SARDH: variants seen among roughly 807,000 people sequenced by gnomAD.
SARDH encodes the protein sarcosine dehydrogenase, mitochondrial.
A neutral mutation model predicts 109.1 loss-of-function variants in SARDH; 95 were observed. That is an observed-to-expected ratio of 0.87 (90% CI 0.74 to 1.03). SARDH has a LOEUF of 1.03. Ranked by LOEUF, SARDH falls within the 50% of genes least tolerant of loss-of-function variation. The pLI, the probability that SARDH is intolerant of heterozygous loss-of-function variation, is 0.00. For missense variants in SARDH, 1,267 were observed against 1,287.8 expected (o/e 0.98, Z 0.25); for synonymous variants, 572 against 534.8 (o/e 1.07, Z -0.96).
intron 7 of SARDH, 147 bp from the exon 8 acceptor site, chr9:133,717,602 G>A (rs751882289): frequency 8.9e-5 from 109 of 1,221,154 alleles, no homozygotes; most frequent in Non-Finnish European, 1.1e-4. Flanking sequence ...CGTCCCAGCC[G>A]TTTGTCTCCC....
intron 12 of SARDH, chr9:133,703,230 G>A (rs895456026): frequency 6.4e-5 from 37 of 579,742 alleles, no homozygotes; most frequent in South Asian, 8.3e-5. Flanking sequence ...AAAGGAGGCC[G>A]CAGGGTTGCC....
chr9:133,693,133 C>T lies in SARDH; in HGVS notation c.1921+1125G>A, dbSNP rs1343965334. Among the ~76,000 whole-genome samples, 1 of 151,468 alleles carries T rather than the reference C, an allele frequency of 6.6e-6. No homozygotes were observed. The highest frequency in any genetic ancestry group is 1.5e-5 in the Non-Finnish European group (1 of 67,844). ...TGACCCATCTAACATCCTACACCTT[C>T]CACTTATTTTATTTTTTTAATCCTA... On this transcript the variant is annotated intron_variant, in intron 15 of 20. Coordinates refer to ENST00000439388, the MANE Select transcript of SARDH (RefSeq NM_001134707.2). The surrounding 1 kb of genome is among the most constrained non-coding windows in gnomAD (Gnocchi z 5.6).
Position 133,666,985 on chromosome 9 carries a change from G to T in SARDH, c.2496-115C>A, listed in dbSNP as rs7854480. On this transcript the variant is annotated intron_variant, in intron 19 of 20. Coordinates refer to ENST00000439388, the MANE Select transcript of SARDH (RefSeq NM_001134707.2). This position sits in a 1 kb window ranked among gnomAD's most constrained non-coding sequence, Gnocchi z 5.2. ...TGATGCACACCCAACCGTGGCTCCAGGCAGATAGGGCTGGCCTACTAGGAC... is the reference window on the plus strand; with the variant it reads ...TGATGCACACCCAACCGTGGCTCCATGCAGATAGGGCTGGCCTACTAGGAC... 23 of 1,424,234 alleles carry T rather than the reference G, an allele frequency of 1.6e-5. No homozygotes were observed. The highest frequency in any genetic ancestry group is 2.5e-5 in the East Asian group (1 of 40,750). 88.2% of individuals were successfully genotyped at this position (1,424,234 alleles called of 1,614,324 possible). A position where few individuals can be genotyped will look rare whatever the true frequency, so the allele number is the denominator to read the frequency against.
intron 15 of SARDH, 76 bp from the exon 16 acceptor site, chr9:133,690,603 T>C: frequency 2.0e-6 from 3 of 1,514,788 alleles, no homozygotes; most frequent in South Asian, 1.2e-5. Context: ...GGCCCAAGGG[T>C]CTCCCGGCTG....
At chr9:133,676,635 A>C (rs1830520599) in intron 17 of SARDH, among the ~76,000 whole-genome samples, 1 of 152,166 alleles carries the variant, frequency 6.6e-6, no homozygotes, top group Non-Finnish European at 1.5e-5. Flanking sequence ...GGGGAATGTG[A>C]GGGAATGGCC....
At position 133,732,494 on chromosome 9, in the gene SARDH, A is replaced by T; in HGVS notation, c.439T>A (p.Trp147Arg). 6.2e-7 allele frequency: 1 copy of T among 1,612,596 alleles called. No individual in the cohort carries two copies. Among genetic ancestry groups the T allele is most frequent in the Non-Finnish European group, 8.5e-7 (1 of 1,179,588 alleles). The change falls in exon 3 of 21, where the codon TGG becomes AGG. Residue 147 changes from tryptophan to arginine, a missense_variant. Coordinates refer to ENST00000439388, the MANE Select transcript of SARDH (RefSeq NM_001134707.2). ...ATGAAGAGGCCCCCATTCTGGATCC[A>T]GCCCGTGTGTAGTCCCGTCTCCTCC... ...LEEETGLHTG[W>R]IQNGGLFIAS... is the part of the protein sequence containing the mutation.
chr9:133,695,269 C>G (rs1441594395), intron 14 of SARDH, among the ~76,000 whole-genome samples: 1 of 152,034 alleles, frequency 6.6e-6, no homozygotes, highest in Non-Finnish European at 1.5e-5. Context: ...ATGGCGAAAC[C>G]CCGTCTCTAC....
At chr9:133,676,789 G>T (rs566275111) in intron 17 of SARDH, among the ~76,000 whole-genome samples, 1 of 152,364 alleles carries the variant, frequency 6.6e-6, no homozygotes, top group East Asian at 1.9e-4. Flanking sequence ...CAGTCAGACT[G>T]CAGAAAGCAC....
At chr9:133,677,019 G>A (rs1317508491) in intron 17 of SARDH, among the ~76,000 whole-genome samples, 1 of 152,028 alleles carries the variant, frequency 6.6e-6, no homozygotes, top group Non-Finnish European at 1.5e-5. Flanking sequence ...GGCACCTTTA[G>A]TCCCAGCTAC....
chr9:133,694,184 C>T (rs1447654134), intron 15 of SARDH, 74 bp downstream of exon 15: 2 of 1,146,546 alleles, frequency 1.7e-6, no homozygotes, highest in Non-Finnish European at 2.5e-6. Context: ...CCCGTCCATC[C>T]TGCCCTGTCC....
chr9:133,681,346 C>T (rs1000075801), intron 17 of SARDH, among the ~76,000 whole-genome samples: 5 of 152,228 alleles, frequency 3.3e-5, no homozygotes, highest in Admixed American at 1.3e-4. Context: ...TCGAGACACT[C>T]GGGGCCTTGC....
intron 18 of SARDH, 87 bp from the exon 19 acceptor site, chr9:133,670,839 C>A: frequency 2.1e-6 from 3 of 1,422,676 alleles, no homozygotes; most frequent in Non-Finnish European, 2.8e-6. Context: ...CTAAACCCAC[C>A]CCCTCCAGCC....
intron 14 of SARDH, among the ~76,000 whole-genome samples, chr9:133,695,896 G>A (rs1410109114): frequency 6.6e-6 from 1 of 152,222 alleles, no homozygotes; most frequent in African/African-American, 2.4e-5. Context: ...CCACCTGTGA[G>A]AGCATGGGGG....
intron 17 of SARDH, among the ~76,000 whole-genome samples, chr9:133,679,892 T>C (rs566316733): frequency 5.6e-4 from 86 of 152,320 alleles, no homozygotes; most frequent in Admixed American, 1.9e-3. Context: ...CTCTGGCCCT[T>C]GTCCTCATCG....
intron 3 of SARDH, 97 bp downstream of exon 3, chr9:133,732,326 A>T: frequency 2.0e-5 from 10 of 497,224 alleles, no homozygotes; most frequent in Non-Finnish European, 2.5e-5. Context: ...AGCCCACCCT[A>T]CCCCCCCACA....
At chr9:133,735,689 C>G (rs891205164) in intron 1 of SARDH, among the ~76,000 whole-genome samples, 2 of 152,206 alleles carry the variant, frequency 1.3e-5, no homozygotes, top group African/African-American at 4.8e-5. Flanking sequence ...TTTACCTGTC[C>G]TCAAACTGAC....
intron 6 of SARDH, 21 bp downstream of exon 6, chr9:133,729,744 A>G: frequency 6.2e-7 from 1 of 1,604,208 alleles, no homozygotes; most frequent in Non-Finnish European, 8.5e-7. Flanking sequence ...ACTGACACAG[A>G]ACCCGGGGCT....
At chr9:133,660,795 G>T (rs1832403007), downstream of SARDH, among the ~76,000 whole-genome samples, 1 of 152,224 alleles carries the variant, frequency 6.6e-6, no homozygotes, top group Admixed American at 6.5e-5. Context: ...GGCGACCCCA[G>T]GCTCCAGCCA....
At chr9:133,708,266 C>T in intron 11 of SARDH, 21 bp downstream of exon 11, 1 of 1,605,124 alleles carries the variant, frequency 6.2e-7, no homozygotes. Flanking sequence ...CAGTCCCCAG[C>T]AGGAGCTGTA....
Sources: allele counts gnomAD v4.1 joint callset (sites outside exome capture counted in the v4.1 genomes callset), GRCh38; gene constraint gnomAD v4.1.1; non-coding constraint Gnocchi (gnomAD v3.1); transcripts MANE v1.5; gene names NCBI Gene and HGNC (gene_info 2026-07-23, HGNC 2026-07-21).